OXR1: variants seen among roughly 807,000 people sequenced by gnomAD.
OXR1 encodes oxidation resistance 1, also known as oxidation resistance protein 1.
Under a neutral mutation model 104.6 loss-of-function variants are expected in OXR1, and 41 were observed. That is an observed-to-expected ratio of 0.39 (90% CI 0.31 to 0.51). The LOEUF is 0.51. Among genes scored for constraint, OXR1 ranks in the 20% least tolerant of loss-of-function variants. The pLI is 0.77. For synonymous variants in OXR1, 348 were observed against 348.4 expected (o/e 1.00, Z 0.01); for missense variants, 955 against 1,031.9 (o/e 0.93, Z 1.02).
intron 3 of OXR1, among the ~76,000 whole-genome samples, chr8:106,605,418 A>T (rs1820295154): frequency 1.3e-5 from 2 of 152,222 alleles, no homozygotes; most frequent in South Asian, 4.1e-4. Flanking sequence ...ACCTGCTTTA[A>T]TTGAGCCAAC....
At chr8:106,708,332 G>A (rs778445932) in intron 9 of OXR1, among the ~76,000 whole-genome samples, 1 of 152,148 alleles carries the variant, frequency 6.6e-6, no homozygotes, top group Non-Finnish European at 1.5e-5. Context: ...CCAGGAGGTC[G>A]AGGCTGCTAT....
intron 11 of OXR1, chr8:106,726,340 T>C (rs1260111953): frequency 8.9e-6 from 10 of 1,124,800 alleles, no homozygotes; most frequent in Non-Finnish European, 1.1e-5. Context: ...TTAATTTGTA[T>C]ATATACTAGT....
chr8:106,376,906 T>G (rs1816929053), intron 2 of OXR1, among the ~76,000 whole-genome samples: 1 of 152,248 alleles, frequency 6.6e-6, no homozygotes, highest in South Asian at 2.1e-4. Flanking sequence ...TGGACTCTTC[T>G]AATTAATACA....
chr8:106,314,164 A>T (rs962151704), intron 1 of OXR1, among the ~76,000 whole-genome samples: 1 of 152,148 alleles, frequency 6.6e-6, no homozygotes, highest in Non-Finnish European at 1.5e-5. Context: ...TTAATCCAAG[A>T]TTGCAGGGAC....
intron 2 of OXR1, among the ~76,000 whole-genome samples, chr8:106,368,864 T>C (rs1008461139): frequency 4.6e-5 from 7 of 152,170 alleles, no homozygotes; most frequent in African/African-American, 1.2e-4. Context: ...ATAAACATAC[T>C]TGTGCATGTG....
At chr8:106,427,246 A>T (rs902892651) in intron 2 of OXR1, among the ~76,000 whole-genome samples, 4 of 151,992 alleles carry the variant, frequency 2.6e-5, no homozygotes, top group Non-Finnish European at 4.4e-5. Flanking sequence ...ATCTCGGCTC[A>T]CTGCAAGCCT....
intron 8 of OXR1, 74 bp from the exon 9 acceptor site, chr8:106,706,308 C>A (rs1831141074): frequency 2.0e-6 from 2 of 1,000,002 alleles, no homozygotes; most frequent in South Asian, 3.3e-5. Flanking sequence ...GATACTAATT[C>A]TGTGTTCAGT....
chr8:106,692,693 C>CT (rs545065736), intron 6 of OXR1, 35 bp from the exon 7 acceptor site: 15,589 of 1,083,374 alleles, frequency 0.014, no homozygotes, highest in South Asian at 0.021. Flanking sequence ...TTGTTTTCTG[C>CT]TTTTTTTTTT....
At chr8:106,697,313 C>G in intron 7 of OXR1, 1 of 844,590 alleles carries the variant, frequency 1.2e-6, no homozygotes, top group South Asian at 1.7e-5. Context: ...CTCACCCTGA[C>G]AGAAGGGAGC....
At chr8:106,529,278 T>G (rs1318202663) in intron 3 of OXR1, among the ~76,000 whole-genome samples, 1 of 152,230 alleles carries the variant, frequency 6.6e-6, no homozygotes, top group East Asian at 1.9e-4. Context: ...TGTGCATGTT[T>G]GTTGGGGGCG....
chr8:106,705,102 A>G (rs762767901), intron 8 of OXR1, among the ~76,000 whole-genome samples: 34 of 152,206 alleles, frequency 2.2e-4, no homozygotes, highest in Non-Finnish European at 2.1e-4. Context: ...TCTGAAGAGT[A>G]TAGCACTTTT....
At chr8:106,594,786 A>G (rs563048690) in intron 3 of OXR1, among the ~76,000 whole-genome samples, 1 of 152,194 alleles carries the variant, frequency 6.6e-6, no homozygotes, top group Admixed American at 6.5e-5. Context: ...GGCACAAATG[A>G]ACCAGAGCCG....
At chr8:106,475,750 C>T (rs1014305715) in intron 2 of OXR1, among the ~76,000 whole-genome samples, 6 of 151,944 alleles carry the variant, frequency 3.9e-5, no homozygotes, top group African/African-American at 1.4e-4. Context: ...TTTTCTTATG[C>T]CTTCTTCCTC....
At chr8:106,414,472 C>T (rs1818590117) in intron 2 of OXR1, among the ~76,000 whole-genome samples, 1 of 152,136 alleles carries the variant, frequency 6.6e-6, no homozygotes, top group South Asian at 2.1e-4. Flanking sequence ...TCAAGGTCAT[C>T]TAGCAAGTAT....
At chr8:106,612,953 C>CATA (rs913921910) in intron 3 of OXR1, among the ~76,000 whole-genome samples, 1 of 152,112 alleles carries the variant, frequency 6.6e-6, no homozygotes, top group African/African-American at 2.4e-5. Flanking sequence ...TCTTCAGAAT[C>CATA]ATAACTGCTC....
chr8:106,322,746 A>C (rs962298895), intron 1 of OXR1, among the ~76,000 whole-genome samples: 3 of 152,210 alleles, frequency 2.0e-5, no homozygotes, highest in Admixed American at 6.5e-5. Context: ...AGCAACAGCC[A>C]AACTGAGAGC....
At chr8:106,618,079 G>T in intron 3 of OXR1, 1 of 1,535,626 alleles carries the variant, frequency 6.5e-7, no homozygotes, top group East Asian at 2.4e-5. Flanking sequence ...ATTACCCTGA[G>T]AAGCACAGGA....
At chr8:106,584,928 G>T (rs1420582891) in intron 3 of OXR1, among the ~76,000 whole-genome samples, 1 of 151,880 alleles carries the variant, frequency 6.6e-6, no homozygotes, top group Non-Finnish European at 1.5e-5. Flanking sequence ...GGGATTGGGG[G>T]GATTGCTTTA....
chr8:106,444,051 C>G (rs139752110), intron 2 of OXR1, among the ~76,000 whole-genome samples: 1 of 152,180 alleles, frequency 6.6e-6, no homozygotes, highest in African/African-American at 2.4e-5. Flanking sequence ...CAGACACACT[C>G]AAAAGAAGAC....
Sources: gnomAD v4.1 joint callset for allele counts (sites outside exome capture counted in the v4.1 genomes callset) on GRCh38, gnomAD v4.1.1 for gene constraint, MANE v1.5 for transcripts, NCBI Gene and HGNC (gene_info 2026-07-23, HGNC 2026-07-21) for gene names.